The following FER variants were observed in gnomAD, a reference collection of about 807,000 sequenced individuals.
The protein encoded by FER is FER tyrosine kinase.
Under a neutral mutation model 111.0 loss-of-function variants are expected in FER, and 63 were observed. That is an observed-to-expected ratio of 0.57 (90% CI 0.46 to 0.70). The LOEUF (loss-of-function observed/expected upper bound fraction) is 0.70. Ranked by LOEUF, FER falls within the 30% of genes least tolerant of loss-of-function variation. FER has a pLI of 0.00. For synonymous variants in FER, 327 were observed against 313.9 expected (o/e 1.04, Z -0.44); for missense variants, 914 against 954.0 (o/e 0.96, Z 0.55).
chr5:108,913,801 A>G (rs1018528455), intron 10 of FER, among the ~76,000 whole-genome samples: 5 of 152,222 alleles, frequency 3.3e-5, no homozygotes, highest in African/African-American at 1.2e-4. Flanking sequence ...TACTTACCCA[A>G]TGGGATACTC....
intron 13 of FER, among the ~76,000 whole-genome samples, chr5:108,978,624 T>G (rs531025936): frequency 6.6e-6 from 1 of 152,204 alleles, no homozygotes; most frequent in African/African-American, 2.4e-5. Flanking sequence ...CGGGAGTATA[T>G]TAATTCATCT....
Position 109,007,805 on chromosome 5 carries a change from T to C in FER, c.1657-29617T>C, listed in dbSNP as rs570585766. ...TGAGATTGGTGGTTTGTCTAGTAAG[T>C]GTTCCTTTAAGTTTATAAGAAACTG... On this transcript the variant is annotated intron_variant, in intron 13 of 19. Coordinates refer to ENST00000281092, the MANE Select transcript of FER (RefSeq NM_005246.4). Among the ~76,000 whole-genome samples, 209 of 152,354 alleles carry C rather than the reference T, an allele frequency of 1.4e-3. 2 individuals carry two copies. Among genetic ancestry groups the C allele is most frequent in the African/African-American group, 4.7e-3 (197 of 41,586 alleles).
chr5:109,175,751 C>G (rs1259331343), intron 17 of FER, among the ~76,000 whole-genome samples: 28 of 152,142 alleles, frequency 1.8e-4, no homozygotes, highest in Admixed American at 1.8e-3. Flanking sequence ...CAGCTCAACA[C>G]TAATCATTAT....
chr5:108,942,303 A>G (rs954555853), intron 10 of FER, among the ~76,000 whole-genome samples: 1 of 152,160 alleles, frequency 6.6e-6, no homozygotes, highest in Non-Finnish European at 1.5e-5. Flanking sequence ...ACCGAACTCT[A>G]TTCTGTTTTA....
At position 109,169,587 on chromosome 5, in the gene FER, A is replaced by G. The variant is rs541332746; in HGVS notation, c.2049-11160A>G. On this transcript the variant is annotated intron_variant, in intron 17 of 19. Coordinates refer to ENST00000281092, the MANE Select transcript of FER (RefSeq NM_005246.4). ...CAAGGAAAGAACTGCTGAGATACAT[A>G]AAAAAGTCATTACTTCTTTTGAATT... Among the ~76,000 whole-genome samples, 6 of 152,338 alleles carry G rather than the reference A, an allele frequency of 3.9e-5. No individual in the cohort carries two copies. In the South Asian group the frequency reaches 1.0e-3, roughly 26 times the overall value.
At chr5:109,021,395 G>T (rs756551834) in intron 13 of FER, among the ~76,000 whole-genome samples, 9 of 151,790 alleles carry the variant, frequency 5.9e-5, no homozygotes, top group Non-Finnish European at 1.3e-4. Flanking sequence ...ATAATATAAG[G>T]GTATACTTAA....
chr5:108,770,071 C>T (rs907859894), intron 2 of FER, among the ~76,000 whole-genome samples: 1 of 152,184 alleles, frequency 6.6e-6, no homozygotes, highest in Non-Finnish European at 1.5e-5. Flanking sequence ...GCCTCAGCCT[C>T]CCAAGTAGCT....
At chr5:109,043,316 G>C (rs559032510) in intron 14 of FER, among the ~76,000 whole-genome samples, 1 of 151,896 alleles carries the variant, frequency 6.6e-6, no homozygotes, top group Non-Finnish European at 1.5e-5. Context: ...GACAATTGTG[G>C]GTAAAAGACA....
chr5:108,952,488 G>GTATA (rs1249368068), intron 11 of FER, among the ~76,000 whole-genome samples: 7 of 151,940 alleles, frequency 4.6e-5, no homozygotes, highest in Admixed American at 6.6e-5. Context: ...ATATACATGT[G>GTATA]TATATACACA....
At position 108,911,283 on chromosome 5, in the gene FER, G is replaced by A. The variant is rs915693384; in HGVS notation, c.1236+13435G>A. Among the ~76,000 whole-genome samples the A allele has an allele frequency of 2.6e-5, 4 of 151,758 alleles. No individual in the cohort carries two copies. In the South Asian group the frequency reaches 8.3e-4, roughly 32 times the overall value. On this transcript the variant is annotated intron_variant, in intron 10 of 19. Transcript: ENST00000281092. Reference sequence around the variant, plus strand: ...GTGTATGTCTTCTTTTGAGAAATGTGTGTTCATGTCGTTTGCCCACTTTTT... The same window carrying A: ...GTGTATGTCTTCTTTTGAGAAATGTATGTTCATGTCGTTTGCCCACTTTTT...
intron 17 of FER, among the ~76,000 whole-genome samples, chr5:109,170,918 T>C (rs1251385192): frequency 1.3e-5 from 2 of 152,130 alleles, no homozygotes; most frequent in East Asian, 3.9e-4. Context: ...ACCTGGAGTA[T>C]ACAGGACGTT....
At chr5:109,041,457 CAA>C (rs34499703) in intron 14 of FER, among the ~76,000 whole-genome samples, 4 of 139,444 alleles carry the variant, frequency 2.9e-5, no homozygotes, top group Admixed American at 7.3e-5. Flanking sequence ...GATAAGTATT[CAA>C]AAAAAAAAAG....
chr5:108,824,074 A>G (rs1759183271), intron 3 of FER, among the ~76,000 whole-genome samples: 1 of 152,076 alleles, frequency 6.6e-6, no homozygotes, highest in African/African-American at 2.4e-5. Context: ...CTTGTCAAAG[A>G]TGAGTTGATT....
chr5:108,791,995 T>C (rs530132571), intron 2 of FER, among the ~76,000 whole-genome samples: 8 of 152,348 alleles, frequency 5.3e-5, no homozygotes, highest in Middle Eastern at 3.4e-3. Context: ...TTACCATAAA[T>C]GTAAAGATTT....
intron 17 of FER, among the ~76,000 whole-genome samples, chr5:109,116,627 T>C (rs552994441): frequency 6.6e-6 from 1 of 152,264 alleles, no homozygotes; most frequent in African/African-American, 2.4e-5. Context: ...CTTATTCTCT[T>C]TACATGTTGC....
chr5:108,805,699 T>A (rs951139563), intron 3 of FER, among the ~76,000 whole-genome samples: 1 of 152,100 alleles, frequency 6.6e-6, no homozygotes, highest in Admixed American at 6.6e-5. Flanking sequence ...CTGGTGGAAT[T>A]TTGCCCCTGC....
intron 17 of FER, among the ~76,000 whole-genome samples, chr5:109,145,419 A>G (rs1053383538): frequency 2.0e-5 from 3 of 152,080 alleles, no homozygotes; most frequent in African/African-American, 7.2e-5. Flanking sequence ...ATATCATTTT[A>G]TGAAGTTAAA....
intron 10 of FER, among the ~76,000 whole-genome samples, chr5:108,917,515 C>T (rs865842619): frequency 1.3e-5 from 2 of 151,968 alleles, no homozygotes; most frequent in Non-Finnish European, 2.9e-5. Flanking sequence ...TTTGCTCTTC[C>T]TTATTGTTTT....
chr5:108,903,745 T>G (rs1018816740), intron 10 of FER, among the ~76,000 whole-genome samples: 5 of 152,242 alleles, frequency 3.3e-5, no homozygotes, highest in Non-Finnish European at 4.4e-5. Context: ...TGATATTCAC[T>G]GAGTTCTTAA....
Sources: allele counts gnomAD v4.1 joint callset (sites outside exome capture counted in the v4.1 genomes callset), GRCh38; gene constraint gnomAD v4.1.1; transcripts MANE v1.5; gene names NCBI Gene and HGNC (gene_info 2026-07-23, HGNC 2026-07-21).